The following NAPG variants were observed in gnomAD, a reference collection of about 807,000 sequenced individuals.
NAPG encodes gamma-soluble NSF attachment protein.
NAPG carries 25 observed loss-of-function variants against 48.4 expected under a neutral mutation model. The observed-to-expected ratio is 0.52, with a 90% CI of 0.38 to 0.72. The LOEUF (loss-of-function observed/expected upper bound fraction) is 0.72, where lower values mean the gene tolerates loss of function less well. Among genes scored for constraint, NAPG ranks in the 30% least tolerant of loss-of-function variants. The pLI, the probability that NAPG is intolerant of heterozygous loss-of-function variation, is 0.00. For missense variants in NAPG, 359 were observed against 372.5 expected, an observed-to-expected ratio of 0.96 and a Z score of 0.30; for synonymous variants, 139 against 127.2, an observed-to-expected ratio of 1.09 and a Z score of -0.62.
intron 11 of NAPG, among the ~76,000 whole-genome samples, 164 bp downstream of exon 11, chr18:10,549,260 A>G (rs978153888): frequency 2.6e-5 from 4 of 152,194 alleles, no homozygotes; most frequent in Non-Finnish European, 4.4e-5. Context: ...GAATTTCACC[A>G]TAGATTTAGA....
chr18:10,537,500 A>G (rs2032060262), intron 5 of NAPG, among the ~76,000 whole-genome samples: 1 of 152,140 alleles, frequency 6.6e-6, no homozygotes, highest in African/African-American at 2.4e-5. Flanking sequence ...GAGGAGGAAG[A>G]AGAGGGGTTG....
rs2032110864 is a variant in NAPG at position 10,539,815 on chromosome 18, GTA to G, written c.314_315del (p.Tyr105SerfsTer24). On this transcript the variant is annotated frameshift_variant, in exon 6 of 12. Coordinates refer to ENST00000322897, the MANE Select transcript of NAPG (RefSeq NM_003826.3). LOFTEE classifies it high-confidence loss of function. This position sits in a 1 kb window ranked among gnomAD's most constrained non-coding sequence, Gnocchi z 4.7. ...VQLIEKASMM[Y>X]LENGTPDTAA... ...AGCTAATTGAGAAGGCCAGCATGAT[GTA>G]TCTAGAAAACGGCACCCCAGACACA... The G allele has an allele frequency of 6.2e-7, 1 of 1,613,914 alleles. No individual in the cohort carries two copies.
intron 2 of NAPG, among the ~76,000 whole-genome samples, chr18:10,531,792 T>C (rs754572291): frequency 6.6e-6 from 1 of 152,260 alleles, no homozygotes; most frequent in Non-Finnish European, 1.5e-5. Context: ...ATTTGTTTTC[T>C]GCCCCTCTGA....
intron 5 of NAPG, among the ~76,000 whole-genome samples, chr18:10,536,212 T>C (rs1328758906): frequency 7.9e-5 from 12 of 152,198 alleles, no homozygotes; most frequent in Non-Finnish European, 4.4e-5. Context: ...GAAAGAAAAT[T>C]AACTTAGTGG....
At position 10,539,090 on chromosome 18, in the gene NAPG, G is replaced by C. The variant is rs557640794; in HGVS notation, c.259-672G>C. 1 of 152,340 alleles carries C rather than the reference G, an allele frequency of 6.6e-6. No individual in the cohort carries two copies. Among genetic ancestry groups the C allele is most frequent in the South Asian group, 2.1e-4 (1 of 4,828 alleles). The allele number at this position is 152,340 out of a possible 1,614,324, so 9.4% of individuals were successfully genotyped here. A position where few individuals can be genotyped will look rare whatever the true frequency, so the allele number is the denominator to read the frequency against. On this transcript the variant is annotated intron_variant, in intron 5 of 11. Transcript: ENST00000322897. This position sits in a 1 kb window ranked among gnomAD's most constrained non-coding sequence, Gnocchi z 4.7. ...GTTCAACCGTTGTGGAAGACAGTGT[G>C]GGGATTCCTCAAGGATCTAGAACCA...
intron 11 of NAPG, 92 bp from the exon 12 acceptor site, chr18:10,549,985 G>C (rs1312494379): frequency 3.7e-6 from 5 of 1,334,042 alleles, no homozygotes; most frequent in Non-Finnish European, 3.9e-6. Flanking sequence ...GTTCCTGAGG[G>C]TGGGGAGCCA....
At chr18:10,533,268 T>C (rs985877422) in intron 3 of NAPG, 1 of 357,332 alleles carries the variant, frequency 2.8e-6, no homozygotes, top group African/African-American at 2.1e-5. Context: ...GTAGTCATAA[T>C]AACTTTGTAC....
chr18:10,539,663 A>G lies in NAPG; in HGVS notation c.259-99A>G. 1.0e-6 allele frequency: 1 copy of G among 986,938 alleles called. No homozygotes were observed. Among genetic ancestry groups the G allele is most frequent in the Non-Finnish European group, 1.6e-6 (1 of 645,038 alleles). 61.1% of individuals were successfully genotyped at this position (986,938 alleles called of 1,614,324 possible). On this transcript the variant is annotated intron_variant, in intron 5 of 11. Coordinates refer to ENST00000322897, the MANE Select transcript of NAPG (RefSeq NM_003826.3). This position sits in a 1 kb window ranked among gnomAD's most constrained non-coding sequence, Gnocchi z 4.7. ...CCTGCACATTCTGCACATGTGTCCCAGAACTTAAAATAAAAAATAATTGCA... is the reference window on the plus strand; with the variant it reads ...CCTGCACATTCTGCACATGTGTCCCGGAACTTAAAATAAAAAATAATTGCA...
At chr18:10,541,711 G>A (rs571426389) in intron 8 of NAPG, among the ~76,000 whole-genome samples, 35 of 152,238 alleles carry the variant, frequency 2.3e-4, no homozygotes, top group Admixed American at 2.0e-3. Context: ...CCTTTCTAGA[G>A]CGCTAAGCCC....
chr18:10,530,030 A>T (rs1269089625), intron 1 of NAPG, among the ~76,000 whole-genome samples: 1 of 152,196 alleles, frequency 6.6e-6, no homozygotes, highest in African/African-American at 2.4e-5. Flanking sequence ...GAAAATAAAT[A>T]TTGAGGAAAA....
At chr18:10,538,326 A>G (rs2032077806) in intron 5 of NAPG, among the ~76,000 whole-genome samples, 1 of 152,186 alleles carries the variant, frequency 6.6e-6, no homozygotes, top group Non-Finnish European at 1.5e-5. Context: ...GTGGCGGGAC[A>G]GTGCTGCCCA....
chr18:10,527,967 C>G (rs1210643119), intron 1 of NAPG, among the ~76,000 whole-genome samples: 4 of 152,040 alleles, frequency 2.6e-5, no homozygotes, highest in African/African-American at 4.8e-5. Context: ...GGGTGGATCA[C>G]TTGAGGTCAG....
Position 10,548,556 on chromosome 18 carries a change from T to C in NAPG, c.665+178T>C, listed in dbSNP as rs114452018. On this transcript the variant is annotated intron_variant, in intron 10 of 11. Coordinates refer to ENST00000322897, the MANE Select transcript of NAPG (RefSeq NM_003826.3). The surrounding 1 kb of genome is among the most constrained non-coding windows in gnomAD (Gnocchi z 4.4). The stretch of plus-strand genomic sequence containing the variant: ...TTTTACACCTTTTTTTTTTTTCCCT[T>C]TCCTGTATTTTTCTCTAGGGGACCT... Among the ~76,000 whole-genome samples the C allele has an allele frequency of 8.5e-3, 1,289 of 151,518 alleles. 16 individuals are homozygous for C. The highest frequency in any genetic ancestry group is 0.03 in the African/African-American group (1,217 of 40,840).
intron 1 of NAPG, among the ~76,000 whole-genome samples, chr18:10,529,256 G>A (rs998040038): frequency 2.6e-5 from 4 of 152,162 alleles, no homozygotes; most frequent in Admixed American, 2.6e-4. Flanking sequence ...TAGGAACAGA[G>A]GGTTAGCATT....
chr18:10,549,992 G>A, intron 11 of NAPG, 85 bp from the exon 12 acceptor site: 1 of 1,385,392 alleles, frequency 7.2e-7, no homozygotes, highest in South Asian at 1.8e-5. Flanking sequence ...AGGGTGGGGA[G>A]CCAGGCTGTG....
chr18:10,535,210 TTTG>T (rs2032007269), intron 5 of NAPG, among the ~76,000 whole-genome samples: 1 of 152,386 alleles, frequency 6.6e-6, no homozygotes, highest in Middle Eastern at 3.4e-3. Context: ...TAGTAAAGCT[TTTG>T]TTTTTAATTT....
chr18:10,528,148 TGCATTCCAGCCTGGGAGACA>T (rs1422688834), intron 1 of NAPG, among the ~76,000 whole-genome samples: 1 of 151,944 alleles, frequency 6.6e-6, no homozygotes, highest in East Asian at 1.9e-4. Context: ...ATCGCGCCAC[TGCATTCCAGCCTGGGAGACA>T]GAGCAAGACT....
Position 10,539,717 on chromosome 18 carries a change from A to G in NAPG, c.259-45A>G, listed in dbSNP as rs773734287. 2.1e-6 allele frequency: 3 copies of G among 1,401,172 alleles called. No individual in the cohort carries two copies. Among genetic ancestry groups the G allele is most frequent in the Middle Eastern group, 1.8e-4 (1 of 5,576 alleles). 86.8% of individuals were successfully genotyped at this position (1,401,172 alleles called of 1,614,324 possible). A position where few individuals can be genotyped will look rare whatever the true frequency, so the allele number is the denominator to read the frequency against. On this transcript the variant is annotated intron_variant, in intron 5 of 11. Coordinates refer to ENST00000322897, the MANE Select transcript of NAPG (RefSeq NM_003826.3). The surrounding 1 kb of genome is among the most constrained non-coding windows in gnomAD (Gnocchi z 4.7). ...CAGATTGTTAACTCTGTTTTTCTTT[A>G]ATTGATGCATTTGCTGACCTGTCTA...
intron 8 of NAPG, among the ~76,000 whole-genome samples, chr18:10,541,692 C>T (rs904527339): frequency 2.6e-5 from 4 of 152,190 alleles, no homozygotes; most frequent in Admixed American, 2.6e-4. Context: ...CCCGACAAGA[C>T]TCCCAGTGCC....
Sources: gnomAD v4.1 joint callset for allele counts (sites outside exome capture counted in the v4.1 genomes callset) on GRCh38, gnomAD v4.1.1 for gene constraint, Gnocchi (gnomAD v3.1) non-coding constraint, MANE v1.5 for transcripts, NCBI Gene and HGNC (gene_info 2026-07-23, HGNC 2026-07-21) for gene names.